The following NCOA2 variants were observed in gnomAD, a reference collection of about 807,000 sequenced individuals.
The protein encoded by NCOA2 is class E basic helix-loop-helix protein 75.
In NCOA2, 21 loss-of-function variants were observed where a neutral mutation model predicts 145.1. The observed-to-expected ratio is 0.14, with a 90% CI of 0.10 to 0.21. The LOEUF (loss-of-function observed/expected upper bound fraction) is 0.21, where lower values mean the gene tolerates loss of function less well. Ranked by LOEUF, NCOA2 falls within the 10% of genes least tolerant of loss-of-function variation. The pLI is 1.00. For missense variants in NCOA2, 1,472 were observed against 1,837.6 expected (o/e 0.80, Z 3.64); for synonymous variants, 619 against 637.5 (o/e 0.97, Z 0.44).
chr8:70,279,834 T>C (rs1426261286), intron 2 of NCOA2, among the ~76,000 whole-genome samples: 3 of 152,232 alleles, frequency 2.0e-5, no homozygotes, highest in Non-Finnish European at 4.4e-5. Context: ...TGACGTAAGG[T>C]CCTAATTGAA....
intron 22 of NCOA2, among the ~76,000 whole-genome samples, chr8:70,119,217 T>A (rs1807489610): frequency 6.6e-6 from 1 of 152,180 alleles, no homozygotes; most frequent in African/African-American, 2.4e-5. Flanking sequence ...GCCCTCACAG[T>A]CACCCTTCTC....
chr8:70,127,041 T>C lies in NCOA2; in HGVS notation c.3688A>G (p.Ile1230Val). 2 of 1,607,610 alleles carry C rather than the reference T, an allele frequency of 1.2e-6. No individual in the cohort carries two copies. Among genetic ancestry groups the C allele is most frequent in the Non-Finnish European group, 1.7e-6 (2 of 1,176,424 alleles). The change falls in exon 19 of 23, where the codon ATT (isoleucine) becomes GTT (valine). Residue 1230 changes from isoleucine (I) to valine (V), a missense_variant. This residue lies in a region of NCOA2 where 953 missense variants were observed against 1,062.1 expected (regional missense o/e 0.90). Coordinates refer to ENST00000452400, the MANE Select transcript of NCOA2 (RefSeq NM_006540.4). ...LRPGVPTQAPINAQMLAQRQR... is the reference protein window; with the variant it reads ...LRPGVPTQAPVNAQMLAQRQR... ...CTCTGGGCCAGCATCTGTGCATTAATAGGTGCCTGAAATCCGGGGCAACAC... is the reference window on the plus strand; with the variant it reads ...CTCTGGGCCAGCATCTGTGCATTAACAGGTGCCTGAAATCCGGGGCAACAC...
chr8:70,165,384 T>G (rs942053079), intron 7 of NCOA2, among the ~76,000 whole-genome samples: 1 of 152,238 alleles, frequency 6.6e-6, no homozygotes, highest in African/African-American at 2.4e-5. Flanking sequence ...GTGACTTCAC[T>G]TGATAATAAA....
intron 4 of NCOA2, among the ~76,000 whole-genome samples, chr8:70,176,264 T>C (rs1814836983): frequency 6.6e-6 from 1 of 152,258 alleles, no homozygotes; most frequent in East Asian, 1.9e-4. Context: ...AAGCAGACTG[T>C]ATCTGCTTTA....
intron 1 of NCOA2, among the ~76,000 whole-genome samples, chr8:70,317,052 G>C (rs906359518): frequency 2.6e-5 from 4 of 152,258 alleles, no homozygotes; most frequent in South Asian, 2.1e-4. Flanking sequence ...TGCTATAAGA[G>C]AGCACATGAA....
chr8:70,121,074 T>TA (rs1009208755), intron 22 of NCOA2, among the ~76,000 whole-genome samples: 6 of 151,812 alleles, frequency 4.0e-5, no homozygotes, highest in Admixed American at 2.6e-4. Flanking sequence ...GATAAATAAA[T>TA]AAAAAAAAAT....
intron 4 of NCOA2, among the ~76,000 whole-genome samples, chr8:70,177,597 G>A (rs765717528): frequency 5.3e-5 from 8 of 152,166 alleles, no homozygotes; most frequent in Non-Finnish European, 1.0e-4. Flanking sequence ...CAAGTAATAT[G>A]GGAAAGGGTT....
rs1460112989 is a variant in NCOA2 at position 70,213,883 on chromosome 8, T to C, written c.259+20A>G. The C allele has an allele frequency of 2.6e-6, 4 of 1,552,614 alleles. No homozygotes were observed. The East Asian group carries it at 9.2e-5, about 36-fold the overall frequency. Reference sequence around the variant, plus strand: ...CAGAAACCAATTCAACTCTTCAAAATACTAATTCAGTCCTCTTACCTTGTT... The same window carrying C: ...CAGAAACCAATTCAACTCTTCAAAACACTAATTCAGTCCTCTTACCTTGTT... On this transcript the variant is annotated intron_variant, in intron 4 of 22. Coordinates refer to ENST00000452400, the MANE Select transcript of NCOA2 (RefSeq NM_006540.4).
At chr8:70,313,498 T>C (rs1805297621) in intron 1 of NCOA2, among the ~76,000 whole-genome samples, 1 of 152,178 alleles carries the variant, frequency 6.6e-6, no homozygotes, top group Admixed American at 6.5e-5. Flanking sequence ...TCACTGGTAA[T>C]AGTGGTAACT....
chr8:70,338,562 G>A (rs186033588), intron 1 of NCOA2, among the ~76,000 whole-genome samples: 28 of 152,188 alleles, frequency 1.8e-4, no homozygotes, highest in Admixed American at 1.4e-3. Flanking sequence ...AACTGAAAAG[G>A]AGGGACTCCT....
In NCOA2 at chr8:70,230,564, T is replaced by C. The variant is rs552407735; in HGVS notation, c.-19-13800A>G. ...ACTGTGCAACAGATAAATAGATAGT[T>C]TGCAAGTATTTAGAAAACACACTGG... On this transcript the variant is annotated intron_variant, in intron 2 of 22. Coordinates refer to ENST00000452400, the MANE Select transcript of NCOA2 (RefSeq NM_006540.4). Among the ~76,000 whole-genome samples the C allele has an allele frequency of 2.6e-5, 4 of 152,300 alleles. No individual in the cohort carries two copies. The South Asian group carries it at 8.3e-4, about 32-fold the overall frequency.
rs190816479 is a variant in NCOA2, at chr8:70,110,853, A to G, written c.*2779T>C. 1.7e-4 allele frequency: 38 copies of G among 222,756 alleles called. No homozygotes were observed. Among genetic ancestry groups the G allele is most frequent in the African/African-American group, 6.9e-4 (31 of 44,856 alleles). The allele number at this position is 222,756 out of a possible 1,614,324, so 13.8% of individuals were successfully genotyped here. ...CATGAACACTTAAAATGAGTTTTACAACCAAGTTAATGTATGTATACTTTT... is the reference window on the plus strand; with the variant it reads ...CATGAACACTTAAAATGAGTTTTACGACCAAGTTAATGTATGTATACTTTT... On this transcript the variant is annotated 3_prime_UTR_variant, in exon 23 of 23. Coordinates refer to ENST00000452400, the MANE Select transcript of NCOA2 (RefSeq NM_006540.4).
At chr8:70,382,148 GTAAGGT>G (rs1812249531) in intron 1 of NCOA2, among the ~76,000 whole-genome samples, 1 of 151,956 alleles carries the variant, frequency 6.6e-6, no homozygotes, top group South Asian at 2.1e-4. Context: ...ATAAGCTATC[GTAAGGT>G]TAACAGCCAA....
intron 2 of NCOA2, among the ~76,000 whole-genome samples, chr8:70,247,164 A>G (rs1280934852): frequency 6.6e-6 from 1 of 152,126 alleles, no homozygotes; most frequent in Non-Finnish European, 1.5e-5. Flanking sequence ...AACCATGGCC[A>G]CTCTGGAAGA....
intron 1 of NCOA2, among the ~76,000 whole-genome samples, chr8:70,391,737 A>G (rs1200625187): frequency 5.3e-5 from 8 of 152,250 alleles, no homozygotes; most frequent in Non-Finnish European, 4.4e-5. Flanking sequence ...GGTCCACCTT[A>G]AAAGAGATGA....
chr8:70,393,946 C>T lies in NCOA2; in HGVS notation c.-77+9754G>A, dbSNP rs571867376. Among the ~76,000 whole-genome samples, 29 of 152,112 alleles carry T rather than the reference C, an allele frequency of 1.9e-4. No homozygotes were observed. In the East Asian group the frequency reaches 4.8e-3, roughly 25 times the overall value. ...GTTCACTGTCAGTAAGTTCAGTCAG[C>T]GAATATGTCATTTTTTGGTATTACA... On this transcript the variant is annotated intron_variant, in intron 1 of 22. Coordinates refer to ENST00000452400, the MANE Select transcript of NCOA2 (RefSeq NM_006540.4).
At position 70,238,147 on chromosome 8, in the gene NCOA2, C is replaced by T. The variant is rs60403277; in HGVS notation, c.-19-21383G>A. ...AACTTAGTCAATGAATAAGCATGTG[C>T]ACACGCGCGCGCGCGCGTGTGTGTG... On this transcript the variant is annotated intron_variant, in intron 2 of 22. Coordinates refer to ENST00000452400, the MANE Select transcript of NCOA2 (RefSeq NM_006540.4). Among the ~76,000 whole-genome samples, 286 of 152,030 alleles carry T rather than the reference C, an allele frequency of 1.9e-3. 4 individuals are homozygous for T. The East Asian group carries it at 0.052, about 27-fold the overall frequency.
At chr8:70,115,546 T>C (rs537647785) in intron 22 of NCOA2, among the ~76,000 whole-genome samples, 18 of 152,330 alleles carry the variant, frequency 1.2e-4, no homozygotes, top group African/African-American at 4.3e-4. Flanking sequence ...TAAATAGTTC[T>C]TGGAACATCA....
At chr8:70,309,778 C>T (rs923661875) in intron 1 of NCOA2, among the ~76,000 whole-genome samples, 3 of 151,926 alleles carry the variant, frequency 2.0e-5, no homozygotes, top group African/African-American at 7.3e-5. Flanking sequence ...TAGTGAGACA[C>T]CATCTCTACC....
Sources: gnomAD v4.1 joint callset for allele counts (sites outside exome capture counted in the v4.1 genomes callset) on GRCh38, gnomAD v4.1.1 for gene constraint, gnomAD v4.1.1 regional missense constraint, MANE v1.5 for transcripts, NCBI Gene and HGNC (gene_info 2026-07-23, HGNC 2026-07-21) for gene names.